Variants in NT5DC1 observed in about 807,000 individuals in gnomAD.
NT5DC1 encodes 5'-nucleotidase domain containing 1.
Under a neutral mutation model 59.4 loss-of-function variants are expected in NT5DC1, and 42 were observed. The observed-to-expected ratio is 0.71, with a 90% CI of 0.55 to 0.92. The LOEUF is 0.92. NT5DC1 is among the 40% of genes least tolerant of loss of function. The pLI, the probability that NT5DC1 is intolerant of heterozygous loss-of-function variation, is 0.00. For synonymous variants in NT5DC1, 172 were observed against 188.1 expected (o/e 0.91, Z 0.70); for missense variants, 501 against 537.1 (o/e 0.93, Z 0.66).
chr6:116,122,868 TATAA>T (rs1280282224), intron 6 of NT5DC1, among the ~76,000 whole-genome samples: 5 of 152,166 alleles, frequency 3.3e-5, no homozygotes, highest in African/African-American at 9.7e-5. Flanking sequence ...CATTGATTAA[TATAA>T]ATACATAGAG....
intron 6 of NT5DC1, among the ~76,000 whole-genome samples, chr6:116,190,956 A>G (rs9488868): frequency 0.025 from 3,796 of 152,038 alleles, 145 homozygotes; most frequent in African/African-American, 0.086. Context: ...CAGAACTGGA[A>G]AAGACTTGAG....
intron 6 of NT5DC1, among the ~76,000 whole-genome samples, chr6:116,127,244 T>C (rs1233582644): frequency 1.3e-5 from 2 of 152,172 alleles, no homozygotes; most frequent in Non-Finnish European, 2.9e-5. Context: ...TAAAGATTTG[T>C]CCTTTTTCTT....
At chr6:116,116,311 T>A (rs561718913) in intron 5 of NT5DC1, among the ~76,000 whole-genome samples, 48 of 152,166 alleles carry the variant, frequency 3.2e-4, no homozygotes, top group Non-Finnish European at 5.7e-4. Flanking sequence ...CAGATTTATA[T>A]GTCAGAATCA....
intron 6 of NT5DC1, among the ~76,000 whole-genome samples, chr6:116,160,439 C>T (rs771093971): frequency 7.1e-6 from 1 of 140,448 alleles, no homozygotes; most frequent in African/African-American, 2.5e-5. Context: ...TGTTCATATC[C>T]GTTTGTCTAC....
intron 6 of NT5DC1, among the ~76,000 whole-genome samples, chr6:116,196,360 C>T (rs1293893917): frequency 6.6e-6 from 1 of 151,990 alleles, no homozygotes; most frequent in African/African-American, 2.4e-5. Context: ...ACAAAATATA[C>T]ACAATGGGAA....
Position 116,245,557 on chromosome 6 carries a change from T to G in NT5DC1, c.*1533T>G, listed in dbSNP as rs1413363523. The G allele has an allele frequency of 1.3e-5, 2 of 152,454 alleles. No individual in the cohort carries two copies. The allele number at this position is 152,454 out of a possible 1,614,324, so 9.4% of individuals were successfully genotyped here. Reference sequence around the variant, plus strand: ...TAAGTATATGGTGATATACTTGAAATTTATGTCCAGAATGTCACTGGAATA... The same window carrying G: ...TAAGTATATGGTGATATACTTGAAAGTTATGTCCAGAATGTCACTGGAATA... On this transcript the variant is annotated 3_prime_UTR_variant, in exon 12 of 12. Coordinates refer to ENST00000319550, the MANE Select transcript of NT5DC1 (RefSeq NM_152729.3).
chr6:116,177,181 G>C lies in NT5DC1; in HGVS notation c.530-43873G>C, dbSNP rs187961938. Among the ~76,000 whole-genome samples, 5 of 152,160 alleles carry C rather than the reference G, an allele frequency of 3.3e-5. No individual in the cohort carries two copies. The East Asian group carries it at 9.6e-4, about 29-fold the overall frequency. On this transcript the variant is annotated intron_variant, in intron 6 of 11. Transcript: ENST00000319550. The stretch of plus-strand genomic sequence containing the variant: ...AAGTCTTTTGTTACTTGAGCTTTTC[G>C]TTTCCAACAAATTCTCAATACAAAT...
chr6:116,220,512 A>G (rs1014266830), intron 6 of NT5DC1, among the ~76,000 whole-genome samples: 11 of 152,160 alleles, frequency 7.2e-5, no homozygotes, highest in Non-Finnish European at 4.4e-5. Flanking sequence ...CGATTTTTCC[A>G]TTTTGATATC....
At chr6:116,203,404 G>T (rs1421959590) in intron 6 of NT5DC1, among the ~76,000 whole-genome samples, 2 of 151,770 alleles carry the variant, frequency 1.3e-5, no homozygotes, top group African/African-American at 4.8e-5. Context: ...CCCTTTCCTG[G>T]AGAGACACCT....
rs1315480281 is a variant in NT5DC1, at chr6:116,101,026, G to A, written c.93+3G>A. 16 of 1,584,518 alleles carry A rather than the reference G, an allele frequency of 1.0e-5. No homozygotes were observed. Among genetic ancestry groups the A allele is most frequent in the Non-Finnish European group, 1.2e-5 (14 of 1,165,708 alleles). ...ACAACCTGCCCGAGAGCGCCCCGGT[G>A]AGTGGCGCGGGCTCCGGGGCGCACT... On this transcript the variant is annotated splice_donor_region_variant and intron_variant, in intron 1 of 11. Coordinates refer to ENST00000319550, the MANE Select transcript of NT5DC1 (RefSeq NM_152729.3).
intron 6 of NT5DC1, among the ~76,000 whole-genome samples, chr6:116,219,458 G>T (rs1781749573): frequency 6.6e-6 from 1 of 152,024 alleles, no homozygotes; most frequent in South Asian, 2.1e-4. Flanking sequence ...ACAATTCAAT[G>T]ACAGGAGGAG....
chr6:116,164,551 A>G (rs947829222), intron 6 of NT5DC1, among the ~76,000 whole-genome samples: 77 of 152,264 alleles, frequency 5.1e-4, no homozygotes, highest in African/African-American at 1.6e-3. Context: ...TTGCTAATCT[A>G]TCTCTTTCAA....
intron 6 of NT5DC1, among the ~76,000 whole-genome samples, chr6:116,190,048 T>C (rs1781082082): frequency 1.3e-5 from 2 of 152,100 alleles, no homozygotes; most frequent in South Asian, 4.1e-4. Context: ...TTCATCTCTC[T>C]GAATCACTGT....
rs1057388801 is a variant in NT5DC1 at position 116,239,270 on chromosome 6, T to G, written c.1252+147T>G. The G allele has an allele frequency of 3.9e-5, 25 of 639,936 alleles. No homozygotes were observed. In the African/African-American group the frequency reaches 4.3e-4, roughly 11 times the overall value. The allele number at this position is 639,936 out of a possible 1,614,324, so 39.6% of individuals were successfully genotyped here. ...CTTCTAGATATGGAACCTAGGTAATTAGGACCAGCACTTCTGTGGGAGGCA... is the reference window on the plus strand; with the variant it reads ...CTTCTAGATATGGAACCTAGGTAATGAGGACCAGCACTTCTGTGGGAGGCA... On this transcript the variant is annotated intron_variant, in intron 11 of 11. Coordinates refer to ENST00000319550, the MANE Select transcript of NT5DC1 (RefSeq NM_152729.3).
chr6:116,224,850 G>A (rs1413528882), intron 8 of NT5DC1, among the ~76,000 whole-genome samples: 3 of 152,186 alleles, frequency 2.0e-5, no homozygotes, highest in African/African-American at 7.2e-5. Flanking sequence ...GCTGGGTGGG[G>A]AATGGTTTGA....
intron 6 of NT5DC1, among the ~76,000 whole-genome samples, chr6:116,123,183 T>A (rs1779187699): frequency 6.6e-6 from 1 of 152,208 alleles, no homozygotes; most frequent in South Asian, 2.1e-4. Flanking sequence ...TGATTGGAAA[T>A]CTGTTTTACT....
intron 6 of NT5DC1, among the ~76,000 whole-genome samples, chr6:116,212,866 T>A (rs1781607042): frequency 2.0e-5 from 3 of 152,192 alleles, no homozygotes; most frequent in Admixed American, 1.3e-4. Context: ...TGGATTTCTT[T>A]AAACTGTTTA....
chr6:116,136,453 T>C (rs989134328), intron 6 of NT5DC1, among the ~76,000 whole-genome samples: 1 of 148,294 alleles, frequency 6.7e-6, no homozygotes, highest in African/African-American at 2.5e-5. Flanking sequence ...AGCTATTTTT[T>C]TTAAGTTTTG....
At chr6:116,242,426 A>G (rs561350530) in intron 11 of NT5DC1, among the ~76,000 whole-genome samples, 11 of 152,258 alleles carry the variant, frequency 7.2e-5, no homozygotes, top group Non-Finnish European at 1.0e-4. Context: ...GGATTCAGAA[A>G]GTTTGAAAGT....
Sources: allele counts gnomAD v4.1 joint callset (sites outside exome capture counted in the v4.1 genomes callset), GRCh38; gene constraint gnomAD v4.1.1; transcripts MANE v1.5; gene names NCBI Gene and HGNC (gene_info 2026-07-23, HGNC 2026-07-21).